Variants in CDK5RAP2 observed in about 807,000 individuals in gnomAD.
CDK5RAP2 encodes CDK5 regulatory subunit associated protein 2.
A neutral mutation model predicts 232.9 loss-of-function variants in CDK5RAP2; 147 were observed. That is an observed-to-expected ratio of 0.63 (90% CI 0.55 to 0.72). CDK5RAP2 has a LOEUF of 0.72. Among genes scored for constraint, CDK5RAP2 ranks in the 30% least tolerant of loss-of-function variants. The pLI, the probability that CDK5RAP2 is intolerant of heterozygous loss-of-function variation, is 0.00. For synonymous variants in CDK5RAP2, 833 were observed against 833.7 expected (o/e 1.00, Z 0.01); for missense variants, 2,195 against 2,231.5 (o/e 0.98, Z 0.33).
At chr9:120,413,010 C>T (rs2033946706) in intron 28 of CDK5RAP2, among the ~76,000 whole-genome samples, 1 of 152,176 alleles carries the variant, frequency 6.6e-6, no homozygotes, top group Non-Finnish European at 1.5e-5. Context: ...GCATCACTTC[C>T]CTAAGTCTCC....
At chr9:120,426,512 A>C (rs2034912083) in intron 25 of CDK5RAP2, among the ~76,000 whole-genome samples, 1 of 152,182 alleles carries the variant, frequency 6.6e-6, no homozygotes, top group African/African-American at 2.4e-5. Context: ...GAATTAATAG[A>C]AAGGAGTGTC....
chr9:120,403,116 T>C lies in CDK5RAP2; in HGVS notation c.5042-45A>G. 1.2e-6 allele frequency: 2 copies of C among 1,603,682 alleles called. No homozygotes were observed. The highest frequency in any genetic ancestry group is 1.7e-6 in the Non-Finnish European group (2 of 1,170,964). On this transcript the variant is annotated intron_variant, in intron 33 of 37. Coordinates refer to ENST00000349780, the MANE Select transcript of CDK5RAP2 (RefSeq NM_018249.6). This position sits in a 1 kb window ranked among gnomAD's most constrained non-coding sequence, Gnocchi z 4.2. ...ATGTAAAATCTGTTTCAGGTAACAC[T>C]CTGCGTTCAAGACGCTTATGATGTT...
Position 120,439,457 on chromosome 9 carries a change from G to C in CDK5RAP2, c.3664C>G (p.Gln1222Glu). 1 of 1,614,206 alleles carries C rather than the reference G, an allele frequency of 6.2e-7. No homozygotes were observed. The change falls in exon 24 of 38, where the codon CAA (glutamine) becomes GAA (glutamate). Residue 1222 changes from glutamine to glutamate, a missense_variant. Coordinates refer to ENST00000349780, the MANE Select transcript of CDK5RAP2 (RefSeq NM_018249.6). ...AGATTATGGATCTCACTGAAAAGTTGCATGTTCAAATTCTGCTCCTTCTGC... is the reference window on the plus strand; with the variant it reads ...AGATTATGGATCTCACTGAAAAGTTCCATGTTCAAATTCTGCTCCTTCTGC... ...KLQKEQNLNM[Q>E]LFSEIHNLQN...
intron 5 of CDK5RAP2, 123 bp from the exon 6 acceptor site, chr9:120,539,287 T>C (rs2041529302): frequency 3.5e-6 from 4 of 1,155,200 alleles, no homozygotes; most frequent in African/African-American, 1.5e-5. Flanking sequence ...TGAGCTTCTT[T>C]TTCTTTAGCT....
At chr9:120,497,207 A>C (rs1221345896) in intron 12 of CDK5RAP2, among the ~76,000 whole-genome samples, 3 of 132,388 alleles carry the variant, frequency 2.3e-5, no homozygotes, top group Admixed American at 7.4e-5. Context: ...AGATGCTTGA[A>C]GGCAGCATGC....
chr9:120,546,363 T>C (rs571357225), intron 4 of CDK5RAP2, among the ~76,000 whole-genome samples: 2 of 152,310 alleles, frequency 1.3e-5, no homozygotes, highest in East Asian at 3.9e-4. Flanking sequence ...ACCGCAATGT[T>C]CTCCAACCAA....
At chr9:120,461,562 C>T (rs2037089353) in intron 18 of CDK5RAP2, among the ~76,000 whole-genome samples, 1 of 152,178 alleles carries the variant, frequency 6.6e-6, no homozygotes, top group Admixed American at 6.5e-5. Context: ...AGAGTCTGGC[C>T]AGGTGCGGTG....
intron 7 of CDK5RAP2, among the ~76,000 whole-genome samples, chr9:120,533,648 G>T (rs1158389082): frequency 6.6e-6 from 1 of 151,828 alleles, no homozygotes; most frequent in Non-Finnish European, 1.5e-5. Flanking sequence ...ACAAAAATTA[G>T]CCAGGCTTTT....
intron 1 of CDK5RAP2, among the ~76,000 whole-genome samples, chr9:120,579,620 G>A (rs1234945027): frequency 1.3e-5 from 2 of 152,040 alleles, no homozygotes; most frequent in African/African-American, 2.4e-5. Context: ...CCCCACTAAC[G>A]GGATACTCCA....
At chr9:120,515,285 A>G (rs2040281331) in intron 12 of CDK5RAP2, among the ~76,000 whole-genome samples, 1 of 152,214 alleles carries the variant, frequency 6.6e-6, no homozygotes, top group Admixed American at 6.5e-5. Context: ...TCATCTATAT[A>G]AAGTCACACT....
intron 12 of CDK5RAP2, among the ~76,000 whole-genome samples, chr9:120,511,772 C>G (rs572517498): frequency 7.2e-6 from 1 of 138,922 alleles, no homozygotes; most frequent in South Asian, 2.3e-4. Context: ...CAGTCTCGCT[C>G]TGTCGCCCAG....
chr9:120,436,486 T>A (rs1404592631), intron 25 of CDK5RAP2, among the ~76,000 whole-genome samples: 1 of 152,216 alleles, frequency 6.6e-6, no homozygotes, highest in Admixed American at 6.5e-5. Context: ...AAAATTCAAA[T>A]ATAGGCTGTA....
At chr9:120,516,764 G>C (rs989901821) in intron 12 of CDK5RAP2, among the ~76,000 whole-genome samples, 1 of 152,162 alleles carries the variant, frequency 6.6e-6, no homozygotes, top group Admixed American at 6.5e-5. Context: ...AGGAATTTGA[G>C]GCTGCAGTGA....
At position 120,484,449 on chromosome 9, in the gene CDK5RAP2, C is replaced by A. The variant is rs551380539; in HGVS notation, c.1626+2845G>T. 3.9e-5 allele frequency among the ~76,000 whole-genome samples: 6 copies of A among 152,182 alleles called. No individual in the cohort carries two copies. In the South Asian group the frequency reaches 1.2e-3, roughly 32 times the overall value. Reference sequence around the variant, plus strand: ...AAAGAGACTGGGTCTCAGCCAGGTGCAGTGGCTCATGCCTGTAATCCCAGC... The same window carrying A: ...AAAGAGACTGGGTCTCAGCCAGGTGAAGTGGCTCATGCCTGTAATCCCAGC... On this transcript the variant is annotated intron_variant, in intron 14 of 37. Coordinates refer to ENST00000349780, the MANE Select transcript of CDK5RAP2 (RefSeq NM_018249.6).
chr9:120,520,957 T>C (rs1182461816), intron 11 of CDK5RAP2, among the ~76,000 whole-genome samples: 1 of 152,146 alleles, frequency 6.6e-6, no homozygotes, highest in Non-Finnish European at 1.5e-5. Context: ...ATATGAGCTG[T>C]ATCTCATGTA....
chr9:120,575,445 G>A (rs980561743), intron 1 of CDK5RAP2, among the ~76,000 whole-genome samples: 14 of 152,108 alleles, frequency 9.2e-5, no homozygotes, highest in Non-Finnish European at 1.6e-4. Context: ...TATTGCTACC[G>A]AAAAGGACTG....
chr9:120,438,973 A>C (rs757418324), intron 24 of CDK5RAP2, among the ~76,000 whole-genome samples: 3 of 152,178 alleles, frequency 2.0e-5, no homozygotes, highest in Non-Finnish European at 2.9e-5. Context: ...AGATATGGAA[A>C]ATATTTATAT....
chr9:120,503,121 C>A (rs2039650440), intron 12 of CDK5RAP2, among the ~76,000 whole-genome samples: 1 of 152,158 alleles, frequency 6.6e-6, no homozygotes, highest in Non-Finnish European at 1.5e-5. Flanking sequence ...CCCAAATGTG[C>A]TATTGTTAAG....
intron 10 of CDK5RAP2, among the ~76,000 whole-genome samples, chr9:120,527,512 G>T (rs1293674543): frequency 1.6e-4 from 2 of 12,584 alleles, no homozygotes; most frequent in Admixed American, 2.7e-3. Context: ...ATTATGTTTT[G>T]GGGGGGGATA....
Sources: gnomAD v4.1 joint callset for allele counts (sites outside exome capture counted in the v4.1 genomes callset) on GRCh38, gnomAD v4.1.1 for gene constraint, Gnocchi (gnomAD v3.1) non-coding constraint, MANE v1.5 for transcripts, NCBI Gene and HGNC (gene_info 2026-07-23, HGNC 2026-07-21) for gene names.